NBAS: variants seen among roughly 807,000 people sequenced by gnomAD.
The protein encoded by NBAS is NAG/BC035112 fusion.
Under a neutral mutation model 302.5 loss-of-function variants are expected in NBAS, and 219 were observed. That is an observed-to-expected ratio of 0.72 (90% CI 0.65 to 0.81). The LOEUF (loss-of-function observed/expected upper bound fraction) is 0.81, where lower values mean the gene tolerates loss of function less well. NBAS is among the 30% of genes least tolerant of loss of function. The pLI is 0.00. For synonymous variants in NBAS, 1,118 were observed against 1,021.6 expected, an observed-to-expected ratio of 1.09 and a Z score of -1.80; for missense variants, 2,932 against 2,841.6, an observed-to-expected ratio of 1.03 and a Z score of -0.72.
intron 12 of NBAS, among the ~76,000 whole-genome samples, chr2:15,487,332 T>G (rs1423846579): frequency 6.6e-6 from 1 of 152,174 alleles, no homozygotes; most frequent in Non-Finnish European, 1.5e-5. Context: ...ATGGACTTCA[T>G]GTATTGTGCA....
chr2:15,196,768 C>A (rs1439355230), intron 48 of NBAS, among the ~76,000 whole-genome samples: 1 of 152,082 alleles, frequency 6.6e-6, no homozygotes, highest in Non-Finnish European at 1.5e-5. Flanking sequence ...TCACTTCTAC[C>A]TGCCTTTTGG....
At chr2:15,276,196 GAAGGC>G (rs1669575850) in intron 43 of NBAS, among the ~76,000 whole-genome samples, 1 of 152,130 alleles carries the variant, frequency 6.6e-6, no homozygotes, top group Non-Finnish European at 1.5e-5. Flanking sequence ...CTAGTTACTT[GAAGGC>G]AAGGATTGAA....
chr2:15,378,698 GA>G (rs1220413531), intron 30 of NBAS, among the ~76,000 whole-genome samples: 1 of 152,072 alleles, frequency 6.6e-6, no homozygotes, highest in Non-Finnish European at 1.5e-5. Flanking sequence ...AAACGGAACT[GA>G]AAGTGAAAAA....
intron 40 of NBAS, among the ~76,000 whole-genome samples, chr2:15,294,680 C>T (rs1019949813): frequency 2.6e-5 from 4 of 152,136 alleles, no homozygotes; most frequent in Non-Finnish European, 5.9e-5. Context: ...TCTTATGCCT[C>T]ATCTGATTTG....
intron 13 of NBAS, among the ~76,000 whole-genome samples, chr2:15,477,060 C>T (rs1185815116): frequency 6.6e-6 from 1 of 152,124 alleles, no homozygotes; most frequent in Non-Finnish European, 1.5e-5. Context: ...GTTCCTGGGG[C>T]TTATCACTAA....
At chr2:15,328,652 T>C (rs1178205405) in intron 36 of NBAS, among the ~76,000 whole-genome samples, 3 of 152,200 alleles carry the variant, frequency 2.0e-5, no homozygotes, top group Admixed American at 6.5e-5. Flanking sequence ...ACAGTCAGAA[T>C]AACCACTCGA....
At chr2:15,410,388 G>A (rs1473574729) in intron 25 of NBAS, among the ~76,000 whole-genome samples, 1 of 152,108 alleles carries the variant, frequency 6.6e-6, no homozygotes, top group Non-Finnish European at 1.5e-5. Flanking sequence ...AAGGCTTGCT[G>A]CAACTTCTCA....
intron 51 of NBAS, among the ~76,000 whole-genome samples, chr2:15,172,021 A>G (rs1664319547): frequency 6.6e-6 from 1 of 152,232 alleles, no homozygotes; most frequent in Non-Finnish European, 1.5e-5. Context: ...TTAATACATC[A>G]GGCAAAGTAT....
In NBAS at chr2:15,204,776, G is replaced by A. The variant is rs571310366; in HGVS notation, c.6432+13997C>T. Among the ~76,000 whole-genome samples the A allele has an allele frequency of 2.3e-4, 35 of 152,212 alleles. No individual in the cohort carries two copies. In the East Asian group the frequency reaches 4.1e-3, roughly 18 times the overall value. On this transcript the variant is annotated intron_variant, in intron 48 of 51. Transcript: ENST00000281513. ...TCGCATGGACAGAAAACCAAACACC[G>A]CGTGTTCTCACTCATAGGTGGGAAT...
the NBAS span, among the ~76,000 whole-genome samples, chr2:15,155,550 G>C: frequency 6.6e-6 from 1 of 152,164 alleles, no homozygotes. Flanking sequence ...CTTCCTGGGA[G>C]CTTGGGTCAT....
chr2:15,400,654 G>C (rs1676107864), intron 26 of NBAS, among the ~76,000 whole-genome samples: 1 of 152,162 alleles, frequency 6.6e-6, no homozygotes, highest in South Asian at 2.1e-4. Flanking sequence ...GCAGCAAACA[G>C]CTGCTTATCA....
At chr2:15,328,068 T>C in intron 37 of NBAS, 131 bp downstream of exon 37, 1 of 1,183,326 alleles carries the variant, frequency 8.5e-7, no homozygotes, top group Non-Finnish European at 1.2e-6. Context: ...CAAAAAAATG[T>C]AAAAACCAAT....
At chr2:15,409,988 T>C (rs2148447554) in intron 25 of NBAS, among the ~76,000 whole-genome samples, 1 of 152,294 alleles carries the variant, frequency 6.6e-6, no homozygotes, top group African/African-American at 2.4e-5. Flanking sequence ...CACAAATTCA[T>C]GTTAGGCAAG....
At chr2:15,413,550 A>AAACAAAGGAAACAGTCTGT (rs1195203069) in intron 25 of NBAS, among the ~76,000 whole-genome samples, 3 of 152,224 alleles carry the variant, frequency 2.0e-5, no homozygotes, top group Admixed American at 2.0e-4. Flanking sequence ...TCACTACTCC[A>AAACAAAGGAAACAGTCTGT]AACAAAGGAA....
intron 6 of NBAS, among the ~76,000 whole-genome samples, chr2:15,546,559 A>G (rs939884000): frequency 6.6e-6 from 1 of 151,880 alleles, no homozygotes; most frequent in African/African-American, 2.4e-5. Flanking sequence ...TGAAACCCCG[A>G]CTCTACTAAA....
chr2:14,866,586 T>G, the NBAS span, among the ~76,000 whole-genome samples: 2 of 152,262 alleles, frequency 1.3e-5, no homozygotes, highest in Admixed American at 1.3e-4. Context: ...AGCTCTGACA[T>G]GGAATGAGTA....
chr2:14,998,275 C>G, the NBAS span, among the ~76,000 whole-genome samples: 57,942 of 152,076 alleles, frequency 0.38, 11,835 homozygotes, highest in Middle Eastern at 0.43. Context: ...GCTCTGATTA[C>G]TTAAGAGATG....
rs1218737861 is a variant in NBAS, at chr2:15,318,813, C to G, written c.4582+8937G>C. ...ACACTAATAATGGGAGACGTTAACA[C>G]CCCACTGTCAATATTAGACAGATCA... On this transcript the variant is annotated intron_variant, in intron 38 of 51. Transcript: ENST00000281513. 2.0e-5 allele frequency among the ~76,000 whole-genome samples: 3 copies of G among 152,114 alleles called. No homozygotes were observed. The East Asian group carries it at 5.8e-4, about 29-fold the overall frequency.
Position 15,417,664 on chromosome 2 carries a change from G to A in NBAS, c.2626C>T (p.Pro876Ser), listed in dbSNP as rs1677011377. Residue 876 changes from proline to serine, a missense_variant, in exon 24 of 52, where the codon CCT becomes TCT. Pro to Ser is a moderately conservative substitution (Grantham distance 74, BLOSUM62 -1). Coordinates refer to ENST00000281513, the MANE Select transcript of NBAS (RefSeq NM_015909.4). The part of the protein sequence containing the change: ...LIRLGMERNI[P>S]GLLVLCDNLV... ...TTGTCACAGAGAACCAGCAAACCAG[G>A]AATATTCCGCTCCATCCCAAGTCGA... is the stretch of plus-strand genomic sequence containing the variant. 6.2e-7 allele frequency: 1 copy of A among 1,613,746 alleles called. No individual in the cohort carries two copies. The highest frequency in any genetic ancestry group is 1.3e-5 in the African/African-American group (1 of 74,860).
Sources: allele counts gnomAD v4.1 joint callset (sites outside exome capture counted in the v4.1 genomes callset), GRCh38; gene constraint gnomAD v4.1.1; transcripts MANE v1.5; gene names NCBI Gene and HGNC (gene_info 2026-07-23, HGNC 2026-07-21).